The following ZRANB3 variants were observed in gnomAD, a reference collection of about 807,000 sequenced individuals.
ZRANB3 encodes the protein DNA annealing helicase and endonuclease ZRANB3.
In ZRANB3, 125 loss-of-function variants were observed where a neutral mutation model predicts 133.8. The ratio of observed to expected loss-of-function variants is 0.93; its 90% CI spans 0.81 to 1.08. The LOEUF (loss-of-function observed/expected upper bound fraction) is 1.08. Ranked by LOEUF, ZRANB3 falls within the 50% of genes least tolerant of loss-of-function variation. ZRANB3 has a pLI of 0.00. For missense variants in ZRANB3, 1,229 were observed against 1,275.5 expected (o/e 0.96, Z 0.56); for synonymous variants, 387 against 432.7 (o/e 0.89, Z 1.31).
intron 8 of ZRANB3, among the ~76,000 whole-genome samples, chr2:135,277,928 A>C (rs993356881): frequency 8.0e-5 from 12 of 150,530 alleles, no homozygotes; most frequent in Non-Finnish European, 1.5e-4. Context: ...GTCTCAAAAA[A>C]AAAACAAAAA....
At chr2:135,531,019 C>T (rs141218745) in intron 1 of ZRANB3, 108 bp downstream of exon 1, 2 of 152,310 alleles carry the variant, frequency 1.3e-5, no homozygotes, top group African/African-American at 2.4e-5. Flanking sequence ...GAGGAGCCAA[C>T]CCCTTAAGCA....
At chr2:135,312,474 G>A (rs1046168799) in intron 8 of ZRANB3, among the ~76,000 whole-genome samples, 1 of 152,020 alleles carries the variant, frequency 6.6e-6, no homozygotes, top group South Asian at 2.1e-4. Flanking sequence ...GGTGACACTC[G>A]TCAGTATTTA....
At chr2:135,229,453 C>T (rs975873552) in intron 13 of ZRANB3, among the ~76,000 whole-genome samples, 1 of 151,144 alleles carries the variant, frequency 6.6e-6, no homozygotes, top group South Asian at 2.1e-4. Flanking sequence ...CTGCAAGCTC[C>T]GCCTCCCGGG....
At chr2:135,206,692 G>T (rs759638475) in intron 19 of ZRANB3, among the ~76,000 whole-genome samples, 1 of 148,914 alleles carries the variant, frequency 6.7e-6, no homozygotes, top group Non-Finnish European at 1.5e-5. Flanking sequence ...AAGGAGGAAA[G>T]GAGAAAAGGA....
intron 3 of ZRANB3, among the ~76,000 whole-genome samples, chr2:135,384,003 C>T (rs1428766388): frequency 1.3e-5 from 2 of 152,112 alleles, no homozygotes; most frequent in Admixed American, 6.6e-5. Context: ...CAGAGCAGAA[C>T]TGAAGGAGGT....
intron 6 of ZRANB3, among the ~76,000 whole-genome samples, chr2:135,330,899 C>G (rs1358855168): frequency 6.6e-6 from 1 of 152,074 alleles, no homozygotes; most frequent in Non-Finnish European, 1.5e-5. Context: ...GATGATATCC[C>G]TTTTATCATT....
chr2:135,471,478 C>T (rs1410913974), intron 2 of ZRANB3, among the ~76,000 whole-genome samples: 3 of 152,172 alleles, frequency 2.0e-5, no homozygotes, highest in Non-Finnish European at 4.4e-5. Context: ...TCCAAAGAAG[C>T]ATTCACTGTG....
intron 2 of ZRANB3, 47 bp from the exon 3 acceptor site, chr2:135,390,867 T>TC: frequency 6.7e-7 from 1 of 1,487,392 alleles, no homozygotes. Context: ...TGAACCTTTT[T>TC]CCTTTTTTTT....
intron 4 of ZRANB3, 85 bp downstream of exon 4, chr2:135,353,365 G>T: frequency 1.2e-6 from 1 of 854,526 alleles, no homozygotes; most frequent in Non-Finnish European, 1.7e-6. Context: ...TTATCTATTG[G>T]TGATATTGCA....
chr2:135,515,855 ATCTG>A (rs1354978767), intron 1 of ZRANB3, among the ~76,000 whole-genome samples: 2 of 152,170 alleles, frequency 1.3e-5, no homozygotes, highest in African/African-American at 4.8e-5. Flanking sequence ...TGTCTCATTA[ATCTG>A]TCTAATATTG....
At chr2:135,517,548 G>A (rs993529475) in intron 1 of ZRANB3, among the ~76,000 whole-genome samples, 1 of 152,188 alleles carries the variant, frequency 6.6e-6, no homozygotes, top group Non-Finnish European at 1.5e-5. Flanking sequence ...CAGGTCTGTT[G>A]GAGTTTGCTA....
chr2:135,338,347 C>G (rs574284464), intron 6 of ZRANB3, among the ~76,000 whole-genome samples: 2 of 152,334 alleles, frequency 1.3e-5, no homozygotes, highest in South Asian at 4.1e-4. Flanking sequence ...AGGTCAAGTT[C>G]CCTATCAATC....
At chr2:135,257,468 T>C (rs1344005491) in intron 12 of ZRANB3, among the ~76,000 whole-genome samples, 1 of 152,236 alleles carries the variant, frequency 6.6e-6, no homozygotes, top group African/African-American at 2.4e-5. Flanking sequence ...TGCTGGGTCA[T>C]ATGGTGACTT....
chr2:135,494,475 T>C (rs1692576579), intron 2 of ZRANB3, among the ~76,000 whole-genome samples: 1 of 152,116 alleles, frequency 6.6e-6, no homozygotes, highest in South Asian at 2.1e-4. Context: ...CAAAATTTGA[T>C]TTGAACAGGA....
intron 12 of ZRANB3, among the ~76,000 whole-genome samples, chr2:135,245,348 A>T (rs1695743301): frequency 6.6e-6 from 1 of 152,204 alleles, no homozygotes. Flanking sequence ...TTTAGCAGCT[A>T]TGACTAATAG....
chr2:135,511,483 TCTA>T (rs1489078621), intron 1 of ZRANB3: 7 of 867,338 alleles, frequency 8.1e-6, no homozygotes, highest in Non-Finnish European at 1.4e-5. Flanking sequence ...TTCACGTTCC[TCTA>T]CTACTTCTTC....
rs527736922 is a variant in ZRANB3 at position 135,465,238 on chromosome 2, G to A, written c.161+39091C>T. 1.1e-4 allele frequency among the ~76,000 whole-genome samples: 17 copies of A among 151,810 alleles called. No individual in the cohort carries two copies. The South Asian group carries it at 3.6e-3, about 32-fold the overall frequency. Reference sequence around the variant, plus strand: ...AAAGATTCAGAAACCTTTAGTTCTGGTCCTGTTTTAAAGTTCATGTAAACA... The same window carrying A: ...AAAGATTCAGAAACCTTTAGTTCTGATCCTGTTTTAAAGTTCATGTAAACA... On this transcript the variant is annotated intron_variant, in intron 2 of 20. Transcript: ENST00000264159.
chr2:135,377,258 T>G (rs577302870), intron 3 of ZRANB3, among the ~76,000 whole-genome samples: 2 of 152,306 alleles, frequency 1.3e-5, no homozygotes, highest in East Asian at 1.9e-4. Context: ...CTGCTATACA[T>G]GTACATATAT....
chr2:135,527,201 G>A lies in ZRANB3; in HGVS notation c.-8+3926C>T, dbSNP rs141140401. Among the ~76,000 whole-genome samples, 455 of 152,128 alleles carry A rather than the reference G, an allele frequency of 3.0e-3. 3 individuals are homozygous for A. Among genetic ancestry groups the A allele is most frequent in the African/African-American group, 0.01 (423 of 41,492 alleles). ...ATTTTACAGTTTGACTCTTTTTGTC[G>A]ACAATCATCTGGCACCCACACATGG... On this transcript the variant is annotated intron_variant, in intron 1 of 20. Transcript: ENST00000264159.
Sources: gnomAD v4.1 joint callset for allele counts (sites outside exome capture counted in the v4.1 genomes callset) on GRCh38, gnomAD v4.1.1 for gene constraint, MANE v1.5 for transcripts, NCBI Gene and HGNC (gene_info 2026-07-23, HGNC 2026-07-21) for gene names.